The following CTNNA3 variants were observed in gnomAD, a reference collection of about 807,000 sequenced individuals.
The protein encoded by CTNNA3 is catenin alpha-3.
A neutral mutation model predicts 95.7 loss-of-function variants in CTNNA3; 76 were observed. The ratio of observed to expected loss-of-function variants is 0.79; its 90% CI spans 0.66 to 0.96. The LOEUF is 0.96. Ranked by LOEUF, CTNNA3 falls within the 40% of genes least tolerant of loss-of-function variation. The pLI, the probability that CTNNA3 is intolerant of heterozygous loss-of-function variation, is 0.00. For synonymous variants in CTNNA3, 431 were observed against 374.4 expected (o/e 1.15, Z -1.74); for missense variants, 1,191 against 1,089.8 (o/e 1.09, Z -1.31).
At chr10:66,056,570 C>T (rs2080092389) in intron 15 of CTNNA3, among the ~76,000 whole-genome samples, 1 of 152,124 alleles carries the variant, frequency 6.6e-6, no homozygotes, top group South Asian at 2.1e-4. Flanking sequence ...GTACTCCCTC[C>T]TCCTCACATT....
intron 6 of CTNNA3, among the ~76,000 whole-genome samples, chr10:67,207,017 G>T (rs1863933012): frequency 6.6e-6 from 1 of 152,078 alleles, no homozygotes; most frequent in African/African-American, 2.4e-5. Flanking sequence ...TGTAATACCA[G>T]CTACTCAGGA....
intron 4 of CTNNA3, among the ~76,000 whole-genome samples, chr10:67,529,799 T>C (rs1321399121): frequency 1.3e-5 from 2 of 152,162 alleles, no homozygotes; most frequent in East Asian, 1.9e-4. Context: ...TCTCCTCTTA[T>C]ATCTTGATGT....
At chr10:66,932,748 A>T (rs762879404) in intron 7 of CTNNA3, among the ~76,000 whole-genome samples, 10 of 152,198 alleles carry the variant, frequency 6.6e-5, no homozygotes, top group Non-Finnish European at 1.2e-4. Flanking sequence ...TCCTAATCAT[A>T]ATAGCCTACA....
At chr10:65,948,870 T>A (rs558201273) in intron 17 of CTNNA3, among the ~76,000 whole-genome samples, 17 of 152,310 alleles carry the variant, frequency 1.1e-4, no homozygotes, top group African/African-American at 4.1e-4. Flanking sequence ...TATCAACAAG[T>A]AATGACAACT....
chr10:65,928,801 A>G (rs1422048599), intron 17 of CTNNA3, among the ~76,000 whole-genome samples: 2 of 152,192 alleles, frequency 1.3e-5, no homozygotes, highest in Non-Finnish European at 2.9e-5. Context: ...TTTAAAACTC[A>G]GAATGCAAAT....
At chr10:67,543,851 C>T (rs1840757279) in intron 3 of CTNNA3, among the ~76,000 whole-genome samples, 1 of 152,088 alleles carries the variant, frequency 6.6e-6, no homozygotes, top group South Asian at 2.1e-4. Flanking sequence ...GAGGTAGAAG[C>T]TTGAATTTAA....
chr10:66,720,347 G>T lies in CTNNA3; in HGVS notation c.1281+45917C>A, dbSNP rs145136120. ...CCCAAGCTTGCTTTATAAACAGCTG[G>T]AGAGCAAAGCAAAACTTCAACTTTA... On this transcript the variant is annotated intron_variant, in intron 9 of 17. Transcript: ENST00000433211. Among the ~76,000 whole-genome samples, 69 of 151,084 alleles carry T rather than the reference G, an allele frequency of 4.6e-4. 1 individual carries two copies. Among genetic ancestry groups the T allele is most frequent in the Admixed American group, 3.2e-3 (48 of 15,226 alleles).
intron 3 of CTNNA3, among the ~76,000 whole-genome samples, chr10:67,556,195 G>A (rs1228812872): frequency 6.6e-6 from 1 of 152,136 alleles, no homozygotes; most frequent in Non-Finnish European, 1.5e-5. Flanking sequence ...TGTTCATCAG[G>A]GTTATTGGCC....
At chr10:66,532,941 G>A (rs760364658) in intron 10 of CTNNA3, among the ~76,000 whole-genome samples, 3 of 151,868 alleles carry the variant, frequency 2.0e-5, no homozygotes, top group Middle Eastern at 3.2e-3. Context: ...CCTTGACCTA[G>A]TATTTTGACC....
At chr10:67,273,783 T>A (rs933014413) in intron 5 of CTNNA3, among the ~76,000 whole-genome samples, 1 of 152,120 alleles carries the variant, frequency 6.6e-6, no homozygotes, top group African/African-American at 2.4e-5. Flanking sequence ...ATTAAAAATG[T>A]CACAACAAGT....
At chr10:67,671,800 A>C (rs1178669601) in intron 1 of CTNNA3, among the ~76,000 whole-genome samples, 1 of 151,838 alleles carries the variant, frequency 6.6e-6, no homozygotes, top group East Asian at 1.9e-4. Flanking sequence ...TGCTATTGTT[A>C]ATAGTGCCAC....
At chr10:66,361,185 T>G (rs540151038) in intron 12 of CTNNA3, among the ~76,000 whole-genome samples, 1 of 150,976 alleles carries the variant, frequency 6.6e-6, no homozygotes, top group East Asian at 2.0e-4. Context: ...CCCAGGCTGG[T>G]CTCGAACCCC....
Position 66,748,357 on chromosome 10 carries a change from A to G in CTNNA3, c.1281+17907T>C, listed in dbSNP as rs186668968. ...TTTCTGTTCTGCTCCTTGCCAATGTAGTTAAAAATTGTTCCATTTTTGAAA... is the reference window on the plus strand; with the variant it reads ...TTTCTGTTCTGCTCCTTGCCAATGTGGTTAAAAATTGTTCCATTTTTGAAA... On this transcript the variant is annotated intron_variant, in intron 9 of 17. Transcript: ENST00000433211. 3.4e-3 allele frequency among the ~76,000 whole-genome samples: 513 copies of G among 152,320 alleles called. 4 individuals are homozygous for G. The highest frequency in any genetic ancestry group is 5.9e-3 in the Non-Finnish European group (404 of 68,024).
At chr10:66,764,993 A>C (rs1281490312) in intron 9 of CTNNA3, among the ~76,000 whole-genome samples, 1 of 152,170 alleles carries the variant, frequency 6.6e-6, no homozygotes, top group Non-Finnish European at 1.5e-5. Context: ...CTTTATTTAC[A>C]TCTAAGGCCA....
intron 13 of CTNNA3, among the ~76,000 whole-genome samples, chr10:66,231,101 A>T (rs1336192530): frequency 6.6e-6 from 1 of 152,128 alleles, no homozygotes; most frequent in African/African-American, 2.4e-5. Context: ...GGGACAATGC[A>T]GTTGCATGGA....
chr10:66,311,117 T>C (rs2092015346), intron 12 of CTNNA3, among the ~76,000 whole-genome samples: 1 of 152,248 alleles, frequency 6.6e-6, no homozygotes, highest in Non-Finnish European at 1.5e-5. Context: ...ATGCCCACCT[T>C]ATGTAGAATA....
chr10:67,693,692 A>C (rs1840912359), intron 1 of CTNNA3, among the ~76,000 whole-genome samples: 2 of 152,152 alleles, frequency 1.3e-5, no homozygotes, highest in Non-Finnish European at 2.9e-5. Flanking sequence ...CTCACTTCAC[A>C]CCACATAATA....
At chr10:66,491,650 T>C (rs1379956536) in intron 11 of CTNNA3, among the ~76,000 whole-genome samples, 2 of 152,088 alleles carry the variant, frequency 1.3e-5, no homozygotes, top group African/African-American at 4.8e-5. Flanking sequence ...CTTAAATGGA[T>C]TAGGGAAAAA....
At chr10:66,770,898 T>C (rs1398519730) in intron 8 of CTNNA3, among the ~76,000 whole-genome samples, 3 of 152,082 alleles carry the variant, frequency 2.0e-5, no homozygotes, top group Non-Finnish European at 2.9e-5. Context: ...AAAAGCCATT[T>C]TAATTTAAAT....
Sources: gnomAD v4.1 joint callset for allele counts (sites outside exome capture counted in the v4.1 genomes callset) on GRCh38, gnomAD v4.1.1 for gene constraint, MANE v1.5 for transcripts, NCBI Gene and HGNC (gene_info 2026-07-23, HGNC 2026-07-21) for gene names.